The following CLEC9A variants were observed in gnomAD, a reference collection of about 807,000 sequenced individuals.
The protein encoded by CLEC9A is C-type lectin domain containing 9A, also known as C-type lectin domain family 9 member A.
CLEC9A carries 24 observed loss-of-function variants against 30.0 expected under a neutral mutation model. That is an observed-to-expected ratio of 0.80 (90% CI 0.58 to 1.13). The LOEUF (loss-of-function observed/expected upper bound fraction) is 1.13, where lower values mean the gene tolerates loss of function less well. Among genes scored for constraint, CLEC9A ranks in the 50% most tolerant of loss-of-function variants. The pLI is 0.00. For synonymous variants in CLEC9A, 111 were observed against 96.8 expected (o/e 1.15, Z -0.86); for missense variants, 251 against 280.9 (o/e 0.89, Z 0.76).
chr12:10,044,418 CT>C (rs1439479459), intron 2 of CLEC9A, among the ~76,000 whole-genome samples: 1 of 152,166 alleles, frequency 6.6e-6, no homozygotes, highest in Non-Finnish European at 1.5e-5. Flanking sequence ...AGCTACAACT[CT>C]TCACAGACCA....
intron 5 of CLEC9A, among the ~76,000 whole-genome samples, chr12:10,055,048 G>C (rs1168943065): frequency 6.6e-6 from 1 of 152,122 alleles, no homozygotes; most frequent in East Asian, 1.9e-4. Flanking sequence ...GTTCAGATTC[G>C]CATTCACAAA....
intron 5 of CLEC9A, among the ~76,000 whole-genome samples, chr12:10,055,932 G>A (rs1047122212): frequency 1.1e-4 from 16 of 151,236 alleles, no homozygotes; most frequent in African/African-American, 3.6e-4. Flanking sequence ...GGTGGGGTGC[G>A]CCTGTAATCC....
chr12:10,058,697 A>G (rs963981174), intron 5 of CLEC9A, among the ~76,000 whole-genome samples: 1 of 152,018 alleles, frequency 6.6e-6, no homozygotes, highest in Non-Finnish European at 1.5e-5. Context: ...TGCGCACACC[A>G]CCACACCCAG....
chr12:10,059,110 C>T (rs923766146), intron 5 of CLEC9A, among the ~76,000 whole-genome samples: 1 of 152,066 alleles, frequency 6.6e-6, no homozygotes, highest in Non-Finnish European at 1.5e-5. Context: ...TAATGATTAA[C>T]ATATCATAAA....
chr12:10,040,599 C>T (rs576736685), intron 1 of CLEC9A, among the ~76,000 whole-genome samples: 50 of 151,784 alleles, frequency 3.3e-4, no homozygotes, highest in African/African-American at 6.3e-4. Flanking sequence ...TACAGGCGCC[C>T]GCCACCACAC....
At chr12:10,031,814 T>C (rs979302415) in intron 1 of CLEC9A, among the ~76,000 whole-genome samples, 7 of 152,022 alleles carry the variant, frequency 4.6e-5, no homozygotes, top group East Asian at 3.9e-4. Flanking sequence ...CAAATTACTA[T>C]GGCAGCAGGA....
At chr12:10,065,345 A>C (rs1866034221) in intron 8 of CLEC9A, among the ~76,000 whole-genome samples, 155 bp from the exon 9 acceptor site, 1 of 152,176 alleles carries the variant, frequency 6.6e-6, no homozygotes. Flanking sequence ...TGAGAGAAAG[A>C]AGCAGTTACT....
chr12:10,044,582 A>G (rs1457442588), intron 2 of CLEC9A, among the ~76,000 whole-genome samples: 2 of 152,174 alleles, frequency 1.3e-5, no homozygotes, highest in Non-Finnish European at 2.9e-5. Context: ...CTGCCTCCAC[A>G]ACTCCATGAC....
At chr12:10,038,185 T>A (rs1211308706) in intron 1 of CLEC9A, among the ~76,000 whole-genome samples, 1 of 152,250 alleles carries the variant, frequency 6.6e-6, no homozygotes, top group Admixed American at 6.5e-5. Flanking sequence ...AATTCAGCAT[T>A]TCTTGGAAAT....
At chr12:10,053,361 G>T (rs544766593) in intron 4 of CLEC9A, among the ~76,000 whole-genome samples, 1 of 152,180 alleles carries the variant, frequency 6.6e-6, no homozygotes, top group African/African-American at 2.4e-5. Flanking sequence ...TCGAGTGGAA[G>T]ACTCTATCCC....
At chr12:10,050,545 G>A (rs1240894701) in intron 2 of CLEC9A, among the ~76,000 whole-genome samples, 1 of 152,086 alleles carries the variant, frequency 6.6e-6, no homozygotes, top group Non-Finnish European at 1.5e-5. Flanking sequence ...AATATAATTA[G>A]CAATAAGTAA....
At chr12:10,058,531 A>C (rs1865963393) in intron 5 of CLEC9A, among the ~76,000 whole-genome samples, 1 of 152,158 alleles carries the variant, frequency 6.6e-6, no homozygotes, top group Admixed American at 6.6e-5. Flanking sequence ...CAGAATATGT[A>C]GATATGTAAA....
At chr12:10,043,778 T>C (rs1865820104) in intron 2 of CLEC9A, among the ~76,000 whole-genome samples, 1 of 151,968 alleles carries the variant, frequency 6.6e-6, no homozygotes, top group Non-Finnish European at 1.5e-5. Flanking sequence ...ACCTCCTGGG[T>C]TCAAGTGAGT....
chr12:10,046,939 T>C (rs921692081), intron 2 of CLEC9A, among the ~76,000 whole-genome samples: 7 of 152,214 alleles, frequency 4.6e-5, no homozygotes, highest in African/African-American at 1.7e-4. Flanking sequence ...TCATAGGTAA[T>C]TGTAAACCTC....
intron 5 of CLEC9A, 102 bp downstream of exon 5, chr12:10,054,453 A>AT: frequency 1.4e-6 from 1 of 732,514 alleles, no homozygotes; most frequent in Non-Finnish European, 2.2e-6. Context: ...ATGCACATAA[A>AT]TGATATAAAA....
intron 2 of CLEC9A, among the ~76,000 whole-genome samples, chr12:10,048,825 C>T (rs1005546640): frequency 2.6e-5 from 4 of 152,188 alleles, no homozygotes; most frequent in South Asian, 2.1e-4. Flanking sequence ...TTCTTCCAAG[C>T]GCCTGTTAAT....
At chr12:10,053,371 C>T (rs1865912809) in intron 4 of CLEC9A, among the ~76,000 whole-genome samples, 1 of 152,136 alleles carries the variant, frequency 6.6e-6, no homozygotes, top group Non-Finnish European at 1.5e-5. Flanking sequence ...GACTCTATCC[C>T]TTGTCTTTTC....
At chr12:10,063,005 T>C (rs1442647379) in intron 6 of CLEC9A, 50 bp from the exon 7 acceptor site, 1 of 1,511,436 alleles carries the variant, frequency 6.6e-7, no homozygotes, top group South Asian at 1.3e-5. Context: ...GGGATATATG[T>C]TGTTAATATT....
intron 5 of CLEC9A, among the ~76,000 whole-genome samples, chr12:10,054,942 GTTTC>G (rs1865927040): frequency 6.6e-6 from 1 of 152,130 alleles, no homozygotes; most frequent in Non-Finnish European, 1.5e-5. Flanking sequence ...AAATGTAGAT[GTTTC>G]TTTCTTATAT....
Sources: allele counts gnomAD v4.1 joint callset (sites outside exome capture counted in the v4.1 genomes callset), GRCh38; gene constraint gnomAD v4.1.1; transcripts MANE v1.5; gene names NCBI Gene and HGNC (gene_info 2026-07-23, HGNC 2026-07-21).